The following CCDC192 variants were observed in gnomAD, a reference collection of about 807,000 sequenced individuals.
The protein encoded by CCDC192 is coiled-coil domain containing 192.
At chr5:127,781,576 C>CTTTTTTTTTTTT (rs1223496970) in intron 3 of CCDC192, among the ~76,000 whole-genome samples, 1 of 124,168 alleles carries the variant, frequency 8.1e-6, no homozygotes. Flanking sequence ...CTAAGTATTC[C>CTTTTTTTTTTTT]TTTTTTTTTT....
At chr5:127,754,402 C>G (rs1754442213) in intron 3 of CCDC192, 27 bp downstream of exon 3, 1 of 397,018 alleles carries the variant, frequency 2.5e-6, no homozygotes, top group African/African-American at 2.1e-5. Context: ...GAACTGGAAA[C>G]AAATGTTCCT....
intron 2 of CCDC192, among the ~76,000 whole-genome samples, chr5:127,751,930 T>G (rs994676357): frequency 1.2e-4 from 18 of 152,264 alleles, no homozygotes; most frequent in East Asian, 3.9e-4. Flanking sequence ...TTCTGCATTC[T>G]TCACGTAGTT....
rs1561438576 is a variant in CCDC192, at chr5:127,709,190, GT to G, written c.114+1431del. Among the ~76,000 whole-genome samples, 239 of 84,726 alleles carry G rather than the reference GT, an allele frequency of 2.8e-3. 3 individuals carry two copies. Among genetic ancestry groups the G allele is most frequent in the African/African-American group, 8.8e-3 (187 of 21,296 alleles). The allele number at this position is 84,726 out of a possible 152,430, so 55.6% of individuals were successfully genotyped here. A position where few individuals can be genotyped will look rare whatever the true frequency, so the allele number is the denominator to read the frequency against. On this transcript the variant is annotated intron_variant, in intron 2 of 6. Transcript: ENST00000514853. ...GAGAGGGGGAGAGAGGGGGAGAGAG[GT>G]GGAGAGAGGGGGAGAGAGAGAGAGA...
At chr5:127,805,440 C>T (rs1757727925) in intron 5 of CCDC192, among the ~76,000 whole-genome samples, 1 of 152,186 alleles carries the variant, frequency 6.6e-6, no homozygotes, top group Non-Finnish European at 1.5e-5. Flanking sequence ...ATTTTTGCTG[C>T]ATATATATGC....
intron 5 of CCDC192, among the ~76,000 whole-genome samples, chr5:127,819,992 C>A (rs1749209600): frequency 6.6e-6 from 1 of 152,270 alleles, no homozygotes; most frequent in Non-Finnish European, 1.5e-5. Flanking sequence ...CACTCTCTCA[C>A]ACACGTACAT....
chr5:127,878,731 A>G (rs1178220634), intron 6 of CCDC192, among the ~76,000 whole-genome samples: 1 of 151,678 alleles, frequency 6.6e-6, no homozygotes, highest in Non-Finnish European at 1.5e-5. Flanking sequence ...AGTTTTTTCC[A>G]ATTCTGTGAA....
chr5:127,932,739 G>C (rs1340103179), intron 6 of CCDC192, among the ~76,000 whole-genome samples: 1 of 152,186 alleles, frequency 6.6e-6, no homozygotes, highest in Non-Finnish European at 1.5e-5. Flanking sequence ...AGGGGATACA[G>C]TACTGAACAA....
chr5:127,765,970 A>G (rs531058213), intron 3 of CCDC192, among the ~76,000 whole-genome samples: 1 of 152,260 alleles, frequency 6.6e-6, no homozygotes, highest in East Asian at 1.9e-4. Context: ...TTCCCTGCTC[A>G]CTGAAATTCT....
intron 3 of CCDC192, among the ~76,000 whole-genome samples, chr5:127,756,781 A>G (rs1388148849): frequency 6.6e-6 from 1 of 152,238 alleles, no homozygotes; most frequent in Non-Finnish European, 1.5e-5. Context: ...CAAACCATGA[A>G]CTGAATTCCT....
intron 6 of CCDC192, among the ~76,000 whole-genome samples, chr5:127,889,880 A>AT (rs1337267075): frequency 2.4e-5 from 3 of 126,942 alleles, no homozygotes; most frequent in African/African-American, 8.7e-5. Flanking sequence ...CAGTTTTATA[A>AT]ATTTTTTTTT....
chr5:127,834,894 A>G (rs1269454714), intron 5 of CCDC192, among the ~76,000 whole-genome samples: 1 of 152,198 alleles, frequency 6.6e-6, no homozygotes, highest in Non-Finnish European at 1.5e-5. Flanking sequence ...GTGTGTATAT[A>G]TATACATATT....
intron 5 of CCDC192, among the ~76,000 whole-genome samples, chr5:127,819,741 C>T (rs1309969447): frequency 6.6e-6 from 1 of 151,938 alleles, no homozygotes; most frequent in Non-Finnish European, 1.5e-5. Context: ...TTCTTTAGAC[C>T]ACCACCACGA....
chr5:127,860,921 C>T (rs1458964225), intron 5 of CCDC192, among the ~76,000 whole-genome samples: 1 of 152,172 alleles, frequency 6.6e-6, no homozygotes, highest in South Asian at 2.1e-4. Context: ...GACCAGTTTT[C>T]GCTTTCTTTT....
At chr5:127,929,561 A>G (rs549234667) in intron 6 of CCDC192, among the ~76,000 whole-genome samples, 2 of 152,344 alleles carry the variant, frequency 1.3e-5, no homozygotes, top group Non-Finnish European at 2.9e-5. Context: ...GCTAAATCAA[A>G]ATAACTTGTA....
intron 3 of CCDC192, chr5:127,786,053 G>T: frequency 1.5e-6 from 1 of 668,822 alleles, no homozygotes; most frequent in Non-Finnish European, 2.7e-6. Context: ...AATTCTCCTA[G>T]GTCATTCTGG....
intron 6 of CCDC192, among the ~76,000 whole-genome samples, chr5:127,898,291 TAGAG>T (rs1041876224): frequency 5.7e-4 from 86 of 152,158 alleles, no homozygotes; most frequent in African/African-American, 2.0e-3. Flanking sequence ...GTATTTTTAA[TAGAG>T]AGGGAGTTTC....
chr5:127,747,508 G>A (rs1308411292), intron 2 of CCDC192, among the ~76,000 whole-genome samples: 1 of 152,118 alleles, frequency 6.6e-6, no homozygotes, highest in Non-Finnish European at 1.5e-5. Context: ...GTCTGTCATT[G>A]TTGGGCATTT....
At position 127,750,534 on chromosome 5, in the gene CCDC192, G is replaced by C. The variant is rs867245569; in HGVS notation, c.115-3734G>C. ...TTGCTGAGGAGTGCTTTACTTCCAAGTATGTGGTCAATTTTGGAATAGGTG... is the reference window on the plus strand; with the variant it reads ...TTGCTGAGGAGTGCTTTACTTCCAACTATGTGGTCAATTTTGGAATAGGTG... On this transcript the variant is annotated intron_variant, in intron 2 of 6. Coordinates refer to ENST00000514853, the MANE Select transcript of CCDC192 (RefSeq NM_001317938.2). 1.4e-4 allele frequency among the ~76,000 whole-genome samples: 21 copies of C among 151,226 alleles called. No individual in the cohort carries two copies. The South Asian group carries it at 3.0e-3, about 21-fold the overall frequency.
intron 5 of CCDC192, among the ~76,000 whole-genome samples, chr5:127,863,576 C>G (rs1415276661): frequency 6.6e-6 from 1 of 152,028 alleles, no homozygotes; most frequent in East Asian, 1.9e-4. Flanking sequence ...TAGTTGTTGT[C>G]TATGGGTATT....
Sources: gnomAD v4.1 joint callset for allele counts (sites outside exome capture counted in the v4.1 genomes callset) on GRCh38, gnomAD v4.1.1 for gene constraint, MANE v1.5 for transcripts, NCBI Gene and HGNC (gene_info 2026-07-23, HGNC 2026-07-21) for gene names.